Variants in MAP1LC3B observed in about 807,000 individuals in gnomAD.
MAP1LC3B encodes microtubule-associated protein 1 light chain 3 beta.
In MAP1LC3B, 12 loss-of-function variants were observed where a neutral mutation model predicts 16.7. The ratio of observed to expected loss-of-function variants is 0.72; its 90% confidence interval spans 0.46 to 1.16. The LOEUF is 1.16. Ranked by LOEUF, MAP1LC3B falls within the 50% of genes most tolerant of loss-of-function variation. The pLI is 0.00. For synonymous variants in MAP1LC3B, 63 were observed against 56.5 expected, an observed-to-expected ratio of 1.11 and a Z score of -0.51; for missense variants, 155 against 159.5, an observed-to-expected ratio of 0.97 and a Z score of 0.15.
chr16:87,400,617 G>A (rs1041300057), intron 2 of MAP1LC3B, among the ~76,000 whole-genome samples: 3 of 151,738 alleles, frequency 2.0e-5, no homozygotes, highest in Non-Finnish European at 4.4e-5. Flanking sequence ...ATTTTTTCAT[G>A]TCAACTAGAC....
Position 87,404,176 on chromosome 16 carries a change from C to T in MAP1LC3B, c.*1079C>T, listed in dbSNP as rs1381774800. 6.6e-6 allele frequency: 1 copy of T among 152,252 alleles called. No homozygotes were observed. 9.4% of individuals were successfully genotyped at this position (152,252 alleles called of 1,614,324 possible). On this transcript the variant is annotated 3_prime_UTR_variant, in exon 4 of 4. Coordinates refer to ENST00000268607, the MANE Select transcript of MAP1LC3B (RefSeq NM_022818.5). The stretch of plus-strand genomic sequence containing the variant: ...TGTGGAGAAAACATAGCAAAAAGAG[C>T]CGTACGCTCTTTACAGATACTAATG...
At chr16:87,400,352 T>C (rs1408404696) in intron 2 of MAP1LC3B, 5 of 151,812 alleles carry the variant, frequency 3.3e-5, no homozygotes, top group Non-Finnish European at 1.5e-5. Flanking sequence ...TAATTTTTTT[T>C]GTATTTTTAG....
Position 87,404,768 on chromosome 16 carries a change from AC to A in MAP1LC3B, c.*1672del, listed in dbSNP as rs1433509630. 5.3e-5 allele frequency: 8 copies of A among 152,196 alleles called. No homozygotes were observed. The highest frequency in any genetic ancestry group is 1.0e-4 in the Non-Finnish European group (7 of 68,036). 9.4% of individuals were successfully genotyped at this position (152,196 alleles called of 1,614,324 possible). ...AAGTTGAATAAAGGCACAATTAAAA[AC>A]TGTCATCAAAGCCCAGTTTAATGGG... is the stretch of plus-strand genomic sequence containing the variant. On this transcript the variant is annotated 3_prime_UTR_variant, in exon 4 of 4. Coordinates refer to ENST00000268607, the MANE Select transcript of MAP1LC3B (RefSeq NM_022818.5).
chr16:87,404,024 G>A lies in MAP1LC3B; in HGVS notation c.*927G>A, dbSNP rs549875005. The A allele has an allele frequency of 3.9e-5, 6 of 152,206 alleles. No homozygotes were observed. Among genetic ancestry groups the A allele is most frequent in the South Asian group, 4.2e-4 (2 of 4,814 alleles). The allele number at this position is 152,206 out of a possible 1,614,324, so 9.4% of individuals were successfully genotyped here. On this transcript the variant is annotated 3_prime_UTR_variant, in exon 4 of 4. Coordinates refer to ENST00000268607, the MANE Select transcript of MAP1LC3B (RefSeq NM_022818.5). ...CGGCTTAAAGCTGTGGATGATCCAC[G>A]TTTTTGTTTTTTTAATGTTAAATGT...
intron 2 of MAP1LC3B, chr16:87,399,791 T>A (rs1231917607): frequency 2.0e-5 from 6 of 305,788 alleles, no homozygotes; most frequent in South Asian, 8.2e-5. Flanking sequence ...TTATTTATTT[T>A]GAGACGGAGT....
At position 87,399,775 on chromosome 16, in the gene MAP1LC3B, A is replaced by G; in HGVS notation, c.96+905A>G. 1.6e-5 allele frequency: 5 copies of G among 306,206 alleles called. 1 individual carries two copies. The highest frequency in any genetic ancestry group is 1.4e-4 in the South Asian group (5 of 36,626). 19.0% of individuals were successfully genotyped at this position (306,206 alleles called of 1,614,324 possible). A position where few individuals can be genotyped will look rare whatever the true frequency, so the allele number is the denominator to read the frequency against. ...TGAGGAGCCAATGGATTATTTATTT[A>G]TTTATTTATTTATTTTGAGACGGAG... is the stretch of plus-strand genomic sequence containing the variant. On this transcript the variant is annotated intron_variant, in intron 2 of 3. Coordinates refer to ENST00000268607, the MANE Select transcript of MAP1LC3B (RefSeq NM_022818.5).
chr16:87,398,375 A>G (rs1051844843), intron 1 of MAP1LC3B, among the ~76,000 whole-genome samples: 4 of 152,298 alleles, frequency 2.6e-5, no homozygotes, highest in Admixed American at 2.0e-4. Flanking sequence ...GCTGGAAGTG[A>G]TAAGGGAAAA....
chr16:87,392,468 G>A lies in MAP1LC3B; in HGVS notation c.40+1G>A. On this transcript the variant is annotated splice_donor_variant, in intron 1 of 3. Transcript: ENST00000268607. LOFTEE classifies it high-confidence loss of function. ...ACCTTCAAGCAGCGCCGCACCTTCG[G>A]TGAGTGTCGCCGCGAGGGCGGCGGG... is the stretch of plus-strand genomic sequence containing the variant. 3 of 1,343,936 alleles carry A rather than the reference G, an allele frequency of 2.2e-6. No individual in the cohort carries two copies. The highest frequency in any genetic ancestry group is 2.8e-6 in the Non-Finnish European group (3 of 1,054,732). 83.3% of individuals were successfully genotyped at this position (1,343,936 alleles called of 1,614,324 possible).
intron 1 of MAP1LC3B, chr16:87,396,650 C>G (rs545971553): frequency 6.6e-6 from 1 of 151,944 alleles, no homozygotes; most frequent in Non-Finnish European, 1.5e-5. Flanking sequence ...ACACAATGGA[C>G]GTTTTTATTG....
At chr16:87,402,654 GTA>G in intron 3 of MAP1LC3B, 1 of 554,170 alleles carries the variant, frequency 1.8e-6, no homozygotes, top group Non-Finnish European at 3.2e-6. Context: ...TTCAGAAACT[GTA>G]TTTGAACTGC....
chr16:87,395,867 T>C (rs1356518185), intron 1 of MAP1LC3B, among the ~76,000 whole-genome samples: 2 of 138,070 alleles, frequency 1.4e-5, no homozygotes, highest in East Asian at 4.2e-4. Context: ...TTTTTTTTTT[T>C]TTTTTTTTTT....
intron 1 of MAP1LC3B, among the ~76,000 whole-genome samples, chr16:87,397,801 C>T (rs868469040): frequency 8.0e-4 from 120 of 150,896 alleles, no homozygotes; most frequent in Middle Eastern, 6.8e-3. Context: ...TTATTTTGCT[C>T]ATTTTTTTTT....
intron 1 of MAP1LC3B, chr16:87,393,259 T>G (rs1460441891): frequency 6.6e-6 from 1 of 152,230 alleles, no homozygotes; most frequent in Non-Finnish European, 1.5e-5. Flanking sequence ...CAATATTTAC[T>G]CCACGCAGAT....
intron 2 of MAP1LC3B, among the ~76,000 whole-genome samples, chr16:87,401,172 A>C (rs1369317251): frequency 1.6e-4 from 23 of 148,034 alleles, no homozygotes; most frequent in Admixed American, 1.6e-3. Context: ...GCCATGTCTC[A>C]GGATATGGTA....
At position 87,404,703 on chromosome 16, in the gene MAP1LC3B, CACTTT is replaced by C. The variant is rs1478184331; in HGVS notation, c.*1608_*1612del. ...GTGACCTATATCCCATGTGAGTGGT[CACTTT>C]ATTTATAGGATCTTTAAAACATTTT... On this transcript the variant is annotated 3_prime_UTR_variant, in exon 4 of 4. Transcript: ENST00000268607. 2 of 152,096 alleles carry C rather than the reference CACTTT, an allele frequency of 1.3e-5. No homozygotes were observed. Among genetic ancestry groups the C allele is most frequent in the Non-Finnish European group, 2.9e-5 (2 of 68,024 alleles). 9.4% of individuals were successfully genotyped at this position (152,096 alleles called of 1,614,324 possible).
intron 1 of MAP1LC3B, among the ~76,000 whole-genome samples, chr16:87,396,394 G>A (rs959404607): frequency 5.3e-5 from 8 of 151,388 alleles, no homozygotes; most frequent in African/African-American, 1.9e-4. Context: ...AGAATGGCAT[G>A]AACCTGGGAG....
intron 3 of MAP1LC3B, 44 bp from the exon 4 acceptor site, chr16:87,402,879 T>C (rs1567501934): frequency 6.2e-7 from 1 of 1,609,598 alleles, no homozygotes; most frequent in Admixed American, 1.7e-5. Flanking sequence ...TTCATCCTTC[T>C]TGTATTGTTG....
intron 2 of MAP1LC3B, 118 bp downstream of exon 2, chr16:87,398,988 A>C (rs1567500232): frequency 1.2e-6 from 1 of 838,834 alleles, no homozygotes; most frequent in African/African-American, 1.7e-5. Context: ...CCTGGGTGTC[A>C]GTTTCACAAC....
At chr16:87,401,436 GC>G (rs1406377281) in intron 2 of MAP1LC3B, among the ~76,000 whole-genome samples, 2 of 152,226 alleles carry the variant, frequency 1.3e-5, no homozygotes, top group African/African-American at 4.8e-5. Flanking sequence ...TCACAGGAGA[GC>G]TATGAGGAAA....
Sources: allele counts gnomAD v4.1 joint callset (sites outside exome capture counted in the v4.1 genomes callset), GRCh38; gene constraint gnomAD v4.1.1; transcripts MANE v1.5; gene names NCBI Gene and HGNC (gene_info 2026-07-23, HGNC 2026-07-21).